Variants in DIP2C observed in about 807,000 individuals in gnomAD.
The protein encoded by DIP2C is DIP2 acetate--CoA ligase C (putative).
Under a neutral mutation model 192.4 loss-of-function variants are expected in DIP2C, and 33 were observed. That is an observed-to-expected ratio of 0.17 (90% confidence interval 0.13 to 0.23). DIP2C has a LOEUF of 0.23. Among genes scored for constraint, DIP2C ranks in the 10% least tolerant of loss-of-function variants. DIP2C has a pLI of 1.00. For missense variants in DIP2C, 1,537 were observed against 2,110.1 expected (o/e 0.73, Z 5.32); for synonymous variants, 979 against 864.1 (o/e 1.13, Z -2.33).
intron 9 of DIP2C, among the ~76,000 whole-genome samples, chr10:404,381 T>G (rs1964657915): frequency 6.6e-6 from 1 of 152,120 alleles, no homozygotes; most frequent in African/African-American, 2.4e-5. Flanking sequence ...GCCAATTTTT[T>G]TCTATTTTTT....
At chr10:345,469 C>T (rs1175331060) in intron 26 of DIP2C, among the ~76,000 whole-genome samples, 1 of 150,976 alleles carries the variant, frequency 6.6e-6, no homozygotes, top group African/African-American at 2.4e-5. Context: ...GGAAACGTCA[C>T]ACACACCCAG....
intron 1 of DIP2C, among the ~76,000 whole-genome samples, chr10:500,149 G>A (rs530338795): frequency 2.8e-4 from 43 of 152,206 alleles, no homozygotes; most frequent in Non-Finnish European, 5.4e-4. Flanking sequence ...ATCTGTACCT[G>A]CCAGGGACCC....
chr10:541,109 C>T (rs996437719), intron 1 of DIP2C, among the ~76,000 whole-genome samples: 1 of 146,698 alleles, frequency 6.8e-6, no homozygotes, highest in Non-Finnish European at 1.5e-5. Context: ...GGAGCCACAA[C>T]ACCCGATGCT....
chr10:563,358 C>T lies in DIP2C; in HGVS notation c.86-76828G>A, dbSNP rs541495818. On this transcript the variant is annotated intron_variant, in intron 1 of 36. Transcript: ENST00000280886. ...GGTAATAATAATGGCAATATTTCCC[C>T]GATCCTTTAAAAAACCTCCTAACAG... Among the ~76,000 whole-genome samples, 6 of 152,240 alleles carry T rather than the reference C, an allele frequency of 3.9e-5. No individual in the cohort carries two copies. The South Asian group carries it at 1.2e-3, about 32-fold the overall frequency.
At chr10:448,142 C>A (rs572207587) in intron 3 of DIP2C, among the ~76,000 whole-genome samples, 1 of 126,564 alleles carries the variant, frequency 7.9e-6, no homozygotes, top group African/African-American at 4.4e-5. Flanking sequence ...GGATCACACA[C>A]AGTGGGGCAG....
At chr10:573,321 A>C (rs1160846730) in intron 1 of DIP2C, among the ~76,000 whole-genome samples, 1 of 152,212 alleles carries the variant, frequency 6.6e-6, no homozygotes, top group Non-Finnish European at 1.5e-5. Context: ...TGATTAAGAA[A>C]ATTTCAATGC....
At chr10:543,239 C>T (rs766710941) in intron 1 of DIP2C, among the ~76,000 whole-genome samples, 2 of 152,232 alleles carry the variant, frequency 1.3e-5, no homozygotes, top group African/African-American at 2.4e-5. Context: ...GCTTCCCACT[C>T]GCCTGTCCTC....
Position 475,570 on chromosome 10 carries a change from T to C in DIP2C, c.158-3021A>G, listed in dbSNP as rs944204391. On this transcript the variant is annotated intron_variant, in intron 2 of 36. Coordinates refer to ENST00000280886, the MANE Select transcript of DIP2C (RefSeq NM_014974.3). Reference sequence around the variant, plus strand: ...CTTCTCACAGACCTTACATGTCTGATCTCAGAAAGCTACTTTTGCATACCA... The same window carrying C: ...CTTCTCACAGACCTTACATGTCTGACCTCAGAAAGCTACTTTTGCATACCA... Among the ~76,000 whole-genome samples, 5 of 152,300 alleles carry C rather than the reference T, an allele frequency of 3.3e-5. No individual in the cohort carries two copies. In the South Asian group the frequency reaches 8.3e-4, roughly 25 times the overall value.
intron 1 of DIP2C, among the ~76,000 whole-genome samples, chr10:535,515 T>C (rs1281025175): frequency 2.0e-5 from 3 of 152,134 alleles, no homozygotes; most frequent in African/African-American, 7.2e-5. Context: ...ACCCATTCTG[T>C]AGTGTTTCCT....
intron 1 of DIP2C, among the ~76,000 whole-genome samples, chr10:604,991 C>A (rs1852361127): frequency 6.6e-6 from 1 of 152,222 alleles, no homozygotes; most frequent in Admixed American, 6.5e-5. Context: ...TCCGAAAGAT[C>A]TATGAAGTGC....
In DIP2C at chr10:577,684, G is replaced by C. The variant is rs950775120; in HGVS notation, c.86-91154C>G. On this transcript the variant is annotated intron_variant, in intron 1 of 36. Transcript: ENST00000280886. ...GGTGCTCAGATCTAACTAATACAAGGTTTTGCTTTTAACAAGCTAAATAAC... is the reference window on the plus strand; with the variant it reads ...GGTGCTCAGATCTAACTAATACAAGCTTTTGCTTTTAACAAGCTAAATAAC... 2.6e-5 allele frequency among the ~76,000 whole-genome samples: 4 copies of C among 152,142 alleles called. No individual in the cohort carries two copies. In the South Asian group the frequency reaches 8.3e-4, roughly 32 times the overall value.
chr10:607,273 AAC>A (rs1852561622), intron 1 of DIP2C, among the ~76,000 whole-genome samples: 5 of 152,230 alleles, frequency 3.3e-5, no homozygotes, highest in African/African-American at 1.2e-4. Context: ...TAAACACAGG[AAC>A]GGTCCTCAGC....
intron 3 of DIP2C, among the ~76,000 whole-genome samples, chr10:448,861 T>C (rs1439733079): frequency 6.6e-5 from 5 of 75,252 alleles, no homozygotes; most frequent in Admixed American, 3.8e-4. Flanking sequence ...CAGCAGGACC[T>C]GCTCACTCCC....
At chr10:600,114 GCA>G (rs1319394840) in intron 1 of DIP2C, among the ~76,000 whole-genome samples, 2 of 152,176 alleles carry the variant, frequency 1.3e-5, no homozygotes, top group Admixed American at 6.5e-5. Flanking sequence ...GTATTTATGG[GCA>G]CACAGAGACC....
rs528760268 is a variant in DIP2C at position 649,049 on chromosome 10, G to A, written c.85+40445C>T. Among the ~76,000 whole-genome samples the A allele has an allele frequency of 2.7e-5, 4 of 149,386 alleles. 1 individual carries two copies. The highest frequency in any genetic ancestry group is 4.9e-5 in the African/African-American group (2 of 40,666). ...GAGAACAGAGGGAAACTGAGTCCAC[G>A]TCCACATTGGATGGTGGGAGAGAAC... On this transcript the variant is annotated intron_variant, in intron 1 of 36. Coordinates refer to ENST00000280886, the MANE Select transcript of DIP2C (RefSeq NM_014974.3).
chr10:442,707 T>C (rs1232462773), intron 3 of DIP2C, among the ~76,000 whole-genome samples: 1 of 152,214 alleles, frequency 6.6e-6, no homozygotes, highest in African/African-American at 2.4e-5. Flanking sequence ...ACTATATTCC[T>C]CTATACCTAA....
intron 1 of DIP2C, among the ~76,000 whole-genome samples, chr10:559,975 A>T (rs1394835239): frequency 1.8e-5 from 1 of 56,586 alleles, no homozygotes; most frequent in Non-Finnish European, 3.8e-5. Context: ...TCTCCCCCCC[A>T]CTCCTGTTCT....
chr10:390,189 C>T (rs774821823), intron 12 of DIP2C, 75 bp downstream of exon 12: 259 of 1,588,642 alleles, frequency 1.6e-4, no homozygotes, highest in Non-Finnish European at 2.2e-4. Flanking sequence ...TTTTGGCACT[C>T]GTGTAACCGT....
At chr10:522,123 G>A (rs568318744) in intron 1 of DIP2C, among the ~76,000 whole-genome samples, 15 of 149,710 alleles carry the variant, frequency 1.0e-4, no homozygotes, top group East Asian at 2.0e-4. Context: ...GCTGCTGACG[G>A]TTTTACTGTC....
Sources: gnomAD v4.1 joint callset for allele counts (sites outside exome capture counted in the v4.1 genomes callset) on GRCh38, gnomAD v4.1.1 for gene constraint, MANE v1.5 for transcripts, NCBI Gene and HGNC (gene_info 2026-07-23, HGNC 2026-07-21) for gene names.